SAXO1: variants seen among roughly 807,000 people sequenced by gnomAD.
SAXO1 encodes the protein 4930500O09Rik.
Under a neutral mutation model 17.5 loss-of-function variants are expected in SAXO1, and 21 were observed. The observed-to-expected ratio is 1.20, with a 90% CI of 0.85 to 1.72. The LOEUF is 1.72. Among genes scored for constraint, SAXO1 ranks in the 40% most tolerant of loss-of-function variants. SAXO1 has a pLI of 0.00. For missense variants in SAXO1, 843 were observed against 596.0 expected (o/e 1.41, Z -4.32); for synonymous variants, 274 against 216.5 (o/e 1.27, Z -2.33).
chr9:18,965,443 G>T (rs1395200652), intron 1 of SAXO1, among the ~76,000 whole-genome samples: 1 of 152,156 alleles, frequency 6.6e-6, no homozygotes, highest in East Asian at 1.9e-4. Context: ...CCTGTATTGG[G>T]TGCATATATA....
intron 1 of SAXO1, among the ~76,000 whole-genome samples, chr9:19,017,611 C>G (rs1018043100): frequency 6.6e-6 from 1 of 152,178 alleles, no homozygotes. Flanking sequence ...TCCAACCTTG[C>G]CTCTCCACAC....
intron 1 of SAXO1, among the ~76,000 whole-genome samples, chr9:19,043,103 C>T (rs995771735): frequency 6.6e-6 from 1 of 151,900 alleles, no homozygotes; most frequent in Non-Finnish European, 1.5e-5. Context: ...GCCTGAGAGG[C>T]AGAGGTTGCA....
At chr9:19,031,088 G>C (rs1212076903) in intron 1 of SAXO1, among the ~76,000 whole-genome samples, 4 of 152,216 alleles carry the variant, frequency 2.6e-5, no homozygotes, top group African/African-American at 4.8e-5. Context: ...ACCCAAATGA[G>C]TCATAACCCT....
chr9:18,964,510 T>A (rs970613087), intron 1 of SAXO1, among the ~76,000 whole-genome samples: 1 of 152,228 alleles, frequency 6.6e-6, no homozygotes, highest in Non-Finnish European at 1.5e-5. Context: ...GGAGAATGTA[T>A]GTTTCCAGGA....
intron 1 of SAXO1, among the ~76,000 whole-genome samples, chr9:18,964,714 A>T (rs1832644887): frequency 6.6e-6 from 1 of 151,886 alleles, no homozygotes; most frequent in African/African-American, 2.4e-5. Context: ...TAGTTCCTGG[A>T]TTCATTGATT....
rs145544458 is a variant in SAXO1, at chr9:18,983,774, A to G, written c.39-32837T>C. Among the ~76,000 whole-genome samples, 370 of 152,246 alleles carry G rather than the reference A, an allele frequency of 2.4e-3. 1 individual carries two copies. The highest frequency in any genetic ancestry group is 3.5e-3 in the Non-Finnish European group (235 of 68,010). On this transcript the variant is annotated intron_variant, in intron 1 of 3. Coordinates refer to ENST00000380534, the MANE Select transcript of SAXO1 (RefSeq NM_153707.4). Reference sequence around the variant, plus strand: ...TGCTTCCAAACTCCTGTTAATGTTGATATTTTCACCCCACTCCCACGAATC... The same window carrying G: ...TGCTTCCAAACTCCTGTTAATGTTGGTATTTTCACCCCACTCCCACGAATC...
Position 18,969,312 on chromosome 9 carries a change from T to C in SAXO1, c.39-18375A>G, listed in dbSNP as rs1209578291. 2.6e-5 allele frequency among the ~76,000 whole-genome samples: 4 copies of C among 152,194 alleles called. No homozygotes were observed. In the East Asian group the frequency reaches 7.7e-4, roughly 29 times the overall value. On this transcript the variant is annotated intron_variant, in intron 1 of 3. Transcript: ENST00000380534. ...GGCTTGTTCCCACATGGCCTTTTAGTGTCCTCCAGCCAAAAAACAGCAAGC... is the reference window on the plus strand; with the variant it reads ...GGCTTGTTCCCACATGGCCTTTTAGCGTCCTCCAGCCAAAAAACAGCAAGC...
intron 1 of SAXO1, among the ~76,000 whole-genome samples, chr9:19,014,887 A>C (rs1250469916): frequency 6.6e-6 from 1 of 152,178 alleles, no homozygotes; most frequent in Non-Finnish European, 1.5e-5. Flanking sequence ...CAAGACCAAT[A>C]AACAAGACCA....
Position 19,033,021 on chromosome 9 carries a change from G to A in SAXO1, c.-113C>T. The A allele has an allele frequency of 1.8e-6, 2 of 1,137,550 alleles. No individual in the cohort carries two copies. The highest frequency in any genetic ancestry group is 2.4e-6 in the Non-Finnish European group (2 of 835,778). 70.5% of individuals were successfully genotyped at this position (1,137,550 alleles called of 1,614,324 possible). ...CCCAGGCTCGAGGGTCTTGGCAGGT[G>A]TTCTGTTTACTCGAAGGAAAATTTA... On this transcript the variant is annotated 5_prime_UTR_variant, in exon 1 of 4. Transcript: ENST00000380534.
chr9:18,953,473 G>C (rs1832120987), intron 1 of SAXO1, among the ~76,000 whole-genome samples: 1 of 152,178 alleles, frequency 6.6e-6, no homozygotes, highest in East Asian at 1.9e-4. Context: ...CCATTAAATG[G>C]AATTATATCA....
rs149242719 is a variant in SAXO1 at position 18,950,556 on chromosome 9, G to A, written c.218+202C>T. On this transcript the variant is annotated intron_variant, in intron 2 of 3. Transcript: ENST00000380534. ...AAGCAAGAATCCTTTCTCTTTAACA[G>A]AGAATTTGGAAAAAACTGAGAAGGC... Among the ~76,000 whole-genome samples the A allele has an allele frequency of 5.3e-5, 8 of 152,270 alleles. No homozygotes were observed. The East Asian group carries it at 1.4e-3, about 26-fold the overall frequency.
At chr9:18,967,749 T>A (rs1479844498) in intron 1 of SAXO1, among the ~76,000 whole-genome samples, 7 of 151,184 alleles carry the variant, frequency 4.6e-5, no homozygotes, top group Admixed American at 4.6e-4. Flanking sequence ...TCCACGGGAG[T>A]GAATGATTCT....
intron 1 of SAXO1, among the ~76,000 whole-genome samples, chr9:19,011,264 A>T (rs1353682843): frequency 6.6e-6 from 1 of 152,198 alleles, no homozygotes; most frequent in Non-Finnish European, 1.5e-5. Flanking sequence ...TCCAAATCCT[A>T]TCAAACTACC....
intron 1 of SAXO1, among the ~76,000 whole-genome samples, chr9:19,009,174 TGG>T (rs1834616426): frequency 2.6e-5 from 4 of 152,196 alleles, no homozygotes; most frequent in Admixed American, 6.5e-5. Flanking sequence ...CAAACAAGAT[TGG>T]GCTAAAACTA....
chr9:18,989,651 T>G (rs1418854759), intron 1 of SAXO1, among the ~76,000 whole-genome samples: 3 of 152,088 alleles, frequency 2.0e-5, no homozygotes, highest in Non-Finnish European at 4.4e-5. Flanking sequence ...AAACAACTCA[T>G]AAGTTATATA....
At chr9:19,003,961 G>A (rs1331168643) in intron 1 of SAXO1, among the ~76,000 whole-genome samples, 2 of 152,104 alleles carry the variant, frequency 1.3e-5, no homozygotes, top group Non-Finnish European at 2.9e-5. Context: ...GCAACCCACA[G>A]AATGGGAGAA....
intron 1 of SAXO1, among the ~76,000 whole-genome samples, chr9:18,987,024 T>C (rs1359960939): frequency 6.6e-6 from 1 of 152,188 alleles, no homozygotes; most frequent in Non-Finnish European, 1.5e-5. Flanking sequence ...AGATGATTCC[T>C]TGGAACAAAT....
chr9:18,945,851 G>A (rs1180393349), intron 2 of SAXO1, among the ~76,000 whole-genome samples: 2 of 152,200 alleles, frequency 1.3e-5, no homozygotes, highest in African/African-American at 4.8e-5. Context: ...CACTGTGTGA[G>A]GCTTCATTGC....
intron 2 of SAXO1, among the ~76,000 whole-genome samples, chr9:18,944,279 A>G (rs1206991332): frequency 6.6e-6 from 1 of 152,210 alleles, no homozygotes; most frequent in Non-Finnish European, 1.5e-5. Flanking sequence ...CTACCCAAAC[A>G]TAGTTACTGT....
Sources: gnomAD v4.1 joint callset for allele counts (sites outside exome capture counted in the v4.1 genomes callset) on GRCh38, gnomAD v4.1.1 for gene constraint, MANE v1.5 for transcripts, NCBI Gene and HGNC (gene_info 2026-07-23, HGNC 2026-07-21) for gene names.